The following FOXN3 variants were observed in gnomAD, a reference collection of about 807,000 sequenced individuals.
FOXN3 encodes forkhead box N3.
In FOXN3, 7 loss-of-function variants were observed where a neutral mutation model predicts 38.4. That is an observed-to-expected ratio of 0.18 (90% CI 0.10 to 0.34). The LOEUF (loss-of-function observed/expected upper bound fraction) is 0.34, where lower values mean the gene tolerates loss of function less well. FOXN3 is among the 10% of genes least tolerant of loss of function. The pLI, the probability that FOXN3 is intolerant of heterozygous loss-of-function variation, is 1.00. For missense variants in FOXN3, 456 were observed against 613.4 expected (o/e 0.74, Z 2.71); for synonymous variants, 230 against 242.2 (o/e 0.95, Z 0.47).
rs1347744471 is a variant in FOXN3 at position 89,412,959 on chromosome 14, T to C, written c.-14-469A>G. Among the ~76,000 whole-genome samples the C allele has an allele frequency of 6.6e-6, 1 of 152,130 alleles. No individual in the cohort carries two copies. Among genetic ancestry groups the C allele is most frequent in the Non-Finnish European group, 1.5e-5 (1 of 68,020 alleles). On this transcript the variant is annotated intron_variant, in intron 1 of 5. Coordinates refer to ENST00000557258, the MANE Select transcript of FOXN3 (RefSeq NM_005197.4). This position sits in a 1 kb window ranked among gnomAD's most constrained non-coding sequence, Gnocchi z 4.7. ...ATAAGCCATTAACTGAAATTAGAGC[T>C]GGTGAAAAAAGTCAGGAGAGCAACT...
chr14:89,405,402 G>A lies in FOXN3; in HGVS notation c.543+6532C>T, dbSNP rs893003201. Among the ~76,000 whole-genome samples, 8 of 152,260 alleles carry A rather than the reference G, an allele frequency of 5.3e-5. No individual in the cohort carries two copies. The South Asian group carries it at 6.2e-4, about 12-fold the overall frequency. On this transcript the variant is annotated intron_variant, in intron 2 of 5. Transcript: ENST00000557258. Reference sequence around the variant, plus strand: ...TGCCCCCGTCTTGGCCTCCTAAAGTGTGGGATTACAGACGTGAGCCACCAC... The same window carrying A: ...TGCCCCCGTCTTGGCCTCCTAAAGTATGGGATTACAGACGTGAGCCACCAC...
At chr14:89,555,441 C>T (rs537403563) in intron 1 of FOXN3, among the ~76,000 whole-genome samples, 16 of 152,304 alleles carry the variant, frequency 1.1e-4, no homozygotes, top group Non-Finnish European at 2.1e-4. Flanking sequence ...ATCAACTTCA[C>T]TAATTGAACA....
intron 3 of FOXN3, among the ~76,000 whole-genome samples, chr14:89,330,426 C>CT (rs935968664): frequency 9.2e-5 from 14 of 152,350 alleles, no homozygotes; most frequent in Admixed American, 8.5e-4. Context: ...CACCCCGAGT[C>CT]TTCTGACTCT....
At chr14:89,499,550 T>C (rs956017800) in intron 1 of FOXN3, among the ~76,000 whole-genome samples, 3 of 152,134 alleles carry the variant, frequency 2.0e-5, no homozygotes, top group Admixed American at 6.5e-5. Context: ...GTTTTTAAAC[T>C]TTACTTTATG....
chr14:89,607,188 T>C (rs1896291488), intron 1 of FOXN3, among the ~76,000 whole-genome samples: 1 of 152,176 alleles, frequency 6.6e-6, no homozygotes, highest in African/African-American at 2.4e-5. Context: ...ATTAAGATGC[T>C]GGAGAGCAGT....
chr14:89,353,490 A>G (rs1433072805), intron 2 of FOXN3: 2 of 152,056 alleles, frequency 1.3e-5, no homozygotes, highest in Non-Finnish European at 2.9e-5. Context: ...GGCTCAACAA[A>G]TTCACTGGGA....
chr14:89,555,884 G>GT (rs59359746), intron 1 of FOXN3, among the ~76,000 whole-genome samples: 2 of 90,184 alleles, frequency 2.2e-5, no homozygotes, highest in Non-Finnish European at 5.0e-5. Flanking sequence ...TGTATGTGGG[G>GT]GTGTATGTGG....
At chr14:89,300,018 T>C (rs1363467989) in intron 3 of FOXN3, among the ~76,000 whole-genome samples, 1 of 152,180 alleles carries the variant, frequency 6.6e-6, no homozygotes, top group Non-Finnish European at 1.5e-5. Flanking sequence ...TTTGAGGTGG[T>C]GACCAACAAC....
At chr14:89,365,539 T>C (rs893054210) in intron 2 of FOXN3, among the ~76,000 whole-genome samples, 50 of 152,316 alleles carry the variant, frequency 3.3e-4, no homozygotes, top group Non-Finnish European at 5.4e-4. Context: ...TAAATCGGTT[T>C]TATCCAACTA....
rs538967853 is a variant in FOXN3 at position 89,543,908 on chromosome 14, G to GT, written c.-15+75119dup. ...ACCAGAATATCCAAAACCAATGGGG[G>GT]TGGGGGGGAAGTACTCAAAATATTT... is the stretch of plus-strand genomic sequence containing the variant. On this transcript the variant is annotated intron_variant, in intron 1 of 6. Transcript: ENST00000345097. 2.6e-3 allele frequency among the ~76,000 whole-genome samples: 396 copies of GT among 152,140 alleles called. 2 individuals are homozygous for GT. Among genetic ancestry groups the GT allele is most frequent in the African/African-American group, 9.0e-3 (375 of 41,484 alleles).
At chr14:89,302,866 A>C (rs192310909) in intron 3 of FOXN3, among the ~76,000 whole-genome samples, 28 of 152,310 alleles carry the variant, frequency 1.8e-4, no homozygotes, top group South Asian at 1.0e-3. Flanking sequence ...GTCACAGGCC[A>C]CCAAGTTTTA....
intron 1 of FOXN3, among the ~76,000 whole-genome samples, chr14:89,415,604 CAAAAAAAAAAAAA>C (rs34026101): frequency 2.9e-4 from 16 of 54,280 alleles, no homozygotes; most frequent in Admixed American, 8.4e-4. Context: ...CAACAATAAC[CAAAAAAAAAAAAA>C]AAAAAAAAAA....
chr14:89,380,086 C>T (rs1890597910), intron 2 of FOXN3, among the ~76,000 whole-genome samples: 1 of 152,222 alleles, frequency 6.6e-6, no homozygotes, highest in Non-Finnish European at 1.5e-5. Flanking sequence ...ATCCAAATCT[C>T]ATCTGGAATT....
intron 4 of FOXN3, among the ~76,000 whole-genome samples, chr14:89,270,974 A>T (rs2896106): frequency 6.6e-6 from 1 of 152,082 alleles, no homozygotes. Context: ...ATTCATTCTG[A>T]AAGTTCACAC....
chr14:89,265,053 T>A (rs577793363), intron 4 of FOXN3, among the ~76,000 whole-genome samples: 189 of 152,290 alleles, frequency 1.2e-3, no homozygotes, highest in Non-Finnish European at 2.1e-3. Context: ...AAATAATAAT[T>A]CCCTGTGTTC....
At chr14:89,289,378 T>A (rs2139931734) in intron 3 of FOXN3, among the ~76,000 whole-genome samples, 1 of 152,220 alleles carries the variant, frequency 6.6e-6, no homozygotes, top group East Asian at 1.9e-4. Flanking sequence ...AAAATTAGAC[T>A]ATAATAAAAC....
intron 1 of FOXN3, among the ~76,000 whole-genome samples, chr14:89,574,430 G>GC (rs909469297): frequency 6.6e-6 from 1 of 152,110 alleles, no homozygotes; most frequent in Non-Finnish European, 1.5e-5. Context: ...GCAGGGATAC[G>GC]CTTGGTGGCT....
rs35049896 is a variant in FOXN3, at chr14:89,369,546, A to AT, written c.544-18739dup. Among the ~76,000 whole-genome samples, 576 of 150,166 alleles carry AT rather than the reference A, an allele frequency of 3.8e-3. 4 individuals carry two copies. The highest frequency in any genetic ancestry group is 0.013 in the African/African-American group (518 of 40,838). Reference sequence around the variant, plus strand: ...ACAAGGACATACCCAAGACTGGGTAATTTTTTTTTTTTTTAAAAAAGAGGT... The same window carrying AT: ...ACAAGGACATACCCAAGACTGGGTAATTTTTTTTTTTTTTTAAAAAAGAGGT... On this transcript the variant is annotated intron_variant, in intron 2 of 5. Coordinates refer to ENST00000557258, the MANE Select transcript of FOXN3 (RefSeq NM_005197.4).
At chr14:89,207,456 T>C (rs1888414811) in intron 4 of FOXN3, among the ~76,000 whole-genome samples, 1 of 152,218 alleles carries the variant, frequency 6.6e-6, no homozygotes. Flanking sequence ...TATAGTTGTA[T>C]GTTTAAGAAT....
Sources: allele counts gnomAD v4.1 joint callset (sites outside exome capture counted in the v4.1 genomes callset), GRCh38; gene constraint gnomAD v4.1.1; non-coding constraint Gnocchi (gnomAD v3.1); transcripts MANE v1.5; gene names NCBI Gene and HGNC (gene_info 2026-07-23, HGNC 2026-07-21).